The following SCUBE2 variants were observed in gnomAD, a reference collection of about 807,000 sequenced individuals.
SCUBE2 encodes signal peptide, CUB domain and EGF like domain containing 2.
SCUBE2 carries 114 observed loss-of-function variants against 125.9 expected under a neutral mutation model. That is an observed-to-expected ratio of 0.91 (90% CI 0.78 to 1.06). SCUBE2 has a LOEUF of 1.06. Ranked by LOEUF, SCUBE2 falls within the 50% of genes least tolerant of loss-of-function variation. The pLI, the probability that SCUBE2 is intolerant of heterozygous loss-of-function variation, is 0.00. For synonymous variants in SCUBE2, 459 were observed against 492.9 expected (o/e 0.93, Z 0.91); for missense variants, 1,255 against 1,301.8 (o/e 0.96, Z 0.55).
intron 17 of SCUBE2, 128 bp from the exon 18 acceptor site, chr11:9,031,053 G>C (rs1856259764): frequency 2.5e-6 from 2 of 787,766 alleles, no homozygotes; most frequent in Non-Finnish European, 4.0e-6. Context: ...CTCAGTCAGA[G>C]AGCACACAGT....
intron 14 of SCUBE2, 95 bp from the exon 15 acceptor site, chr11:9,048,193 T>C (rs1459724326): frequency 1.6e-6 from 2 of 1,241,440 alleles, no homozygotes; most frequent in East Asian, 4.7e-5. Flanking sequence ...TTAAAACAAC[T>C]CTCAAGGGAC....
rs190785054 is a variant in SCUBE2 at position 9,041,097 on chromosome 11, A to G, written c.2002+6259T>C. ...CACTATCAATAATGAACTTCGCCCA[A>G]TTGTAAAGATTCTACCTTAAGATGC... On this transcript the variant is annotated intron_variant, in intron 16 of 22. Transcript: ENST00000649792. Among the ~76,000 whole-genome samples, 114 of 152,346 alleles carry G rather than the reference A, an allele frequency of 7.5e-4. 1 individual carries two copies. The East Asian group carries it at 0.014, about 18-fold the overall frequency.
At chr11:9,042,422 C>G (rs1378920698) in intron 16 of SCUBE2, among the ~76,000 whole-genome samples, 1 of 152,142 alleles carries the variant, frequency 6.6e-6, no homozygotes, top group Non-Finnish European at 1.5e-5. Flanking sequence ...TTCCATTCTA[C>G]CATCAGATGC....
rs763759464 is a variant in SCUBE2 at position 9,027,550 on chromosome 11, C to T, written c.2515G>A (p.Gly839Arg). 7 of 1,613,248 alleles carry T rather than the reference C, an allele frequency of 4.3e-6. No individual in the cohort carries two copies. The East Asian group carries it at 6.7e-5, about 15-fold the overall frequency. Reference protein sequence around the residue: ...NITQCKNRRCGGELGDFTGYI... With the variant: ...NITQCKNRRCRGELGDFTGYI... Reference sequence around the variant, plus strand: ...CCAGTGAAATCTCCCAGCTCCCCTCCACATCTTCTGTCTGAAAAAGGAGAT... The same window carrying T: ...CCAGTGAAATCTCCCAGCTCCCCTCTACATCTTCTGTCTGAAAAAGGAGAT... Residue 839 changes from glycine (G) to arginine (R), a missense_variant, in exon 20 of 23, where the codon GGA (glycine) becomes AGA (arginine). By Grantham distance (125) the Gly-to-Arg change is moderately radical. Transcript: ENST00000649792.
Position 9,059,319 on chromosome 11 carries a change from A to G in SCUBE2, c.1074T>C (p.Asp358=). 1 of 1,614,164 alleles carries G rather than the reference A, an allele frequency of 6.2e-7. No homozygotes were observed. Among genetic ancestry groups the G allele is most frequent in the South Asian group, 1.1e-5 (1 of 91,080 alleles). Residue 358 remains aspartate (D), a synonymous_variant, in exon 9 of 23, where the codon GAT becomes GAC. Coordinates refer to ENST00000649792, the MANE Select transcript of SCUBE2 (RefSeq NM_001367977.2). ...AGCACATACCTTGGCAAGACTTCTC[A>G]TCTGTTAATAATTTAAATCCTTTCT... ...GCKKGFKLLT[D]EKSCQDVDEC...
At chr11:9,025,563 G>T in intron 21 of SCUBE2, 139 bp downstream of exon 21, 2 of 1,027,898 alleles carry the variant, frequency 1.9e-6, no homozygotes, top group Admixed American at 2.7e-5. Context: ...TTTGGCACTT[G>T]TGAGTCAGCA....
At chr11:9,025,961 C>G in intron 20 of SCUBE2, 107 bp from the exon 21 acceptor site, 5 of 1,209,850 alleles carry the variant, frequency 4.1e-6, no homozygotes, top group Non-Finnish European at 3.5e-6. Flanking sequence ...AAGTTATGCT[C>G]AAAAGCTCTT....
rs764688380 is a variant in SCUBE2, at chr11:9,033,731, T to C, written c.2068A>G (p.Thr690Ala). ...ATTTGTCCTTCCTCATTTTGGAAGG[T>C]TCCATTTGGACATAAAATGCAGCGT... ...RERCILCPNG[T>A]FQNEEGQMTC... Residue 690 changes from threonine (T) to alanine (A), a missense_variant, in exon 17 of 23, where the codon ACC becomes GCC. Thr to Ala is a moderately conservative substitution (Grantham distance 58). Around this residue, in one of 3 missense-constraint regions of SCUBE2, gnomAD observed 515 missense variants for 515.7 expected, o/e 1.00. Coordinates refer to ENST00000649792, the MANE Select transcript of SCUBE2 (RefSeq NM_001367977.2). 3 of 1,614,080 alleles carry C rather than the reference T, an allele frequency of 1.9e-6. No homozygotes were observed. Among genetic ancestry groups the C allele is most frequent in the South Asian group, 2.2e-5 (2 of 91,078 alleles).
At chr11:9,064,024 T>C (rs762068641) in intron 7 of SCUBE2, among the ~76,000 whole-genome samples, 1 of 152,114 alleles carries the variant, frequency 6.6e-6, no homozygotes, top group Non-Finnish European at 1.5e-5. Flanking sequence ...GCACATAATA[T>C]TGATTTAAAT....
chr11:9,081,354 T>G (rs552898507), intron 2 of SCUBE2, among the ~76,000 whole-genome samples: 1 of 152,334 alleles, frequency 6.6e-6, no homozygotes, highest in East Asian at 1.9e-4. Context: ...CTCTTCCCTC[T>G]CTTCCCTCAG....
intron 16 of SCUBE2, among the ~76,000 whole-genome samples, chr11:9,046,210 A>G (rs1017161198): frequency 1.5e-4 from 22 of 151,628 alleles, no homozygotes; most frequent in African/African-American, 3.1e-4. Context: ...GGGTTTCACC[A>G]TGCTGGCCAG....
rs775838418 is a variant in SCUBE2 at position 9,060,426 on chromosome 11, C to T, written c.949G>A (p.Asp317Asn). Residue 317 changes from aspartate to asparagine, a missense_variant, in exon 8 of 23, where the codon GAT becomes AAT. Transcript: ENST00000649792. ...SCPVGFTLQL[D>N]GKTCKDIDEC... ...AGGCTACCTTTACATGTCTTCCCAT[C>T]CAACTGGAGAGTGAATCCAACAGGA... 2 of 1,613,988 alleles carry T rather than the reference C, an allele frequency of 1.2e-6. No homozygotes were observed. The highest frequency in any genetic ancestry group is 1.7e-6 in the Non-Finnish European group (2 of 1,179,842).
At chr11:9,069,657 T>A (rs1860592362) in intron 4 of SCUBE2, among the ~76,000 whole-genome samples, 162 bp from the exon 5 acceptor site, 1 of 152,158 alleles carries the variant, frequency 6.6e-6, no homozygotes, top group African/African-American at 2.4e-5. Context: ...CCTAGGCCAA[T>A]TAATAGACAT....
At chr11:9,021,487 G>A (rs74397500) in intron 22 of SCUBE2, among the ~76,000 whole-genome samples, 2,969 of 152,262 alleles carry the variant, frequency 0.019, 41 homozygotes, top group Non-Finnish European at 0.032. Flanking sequence ...TAGGATTAGT[G>A]ATACCACAAG....
intron 3 of SCUBE2, among the ~76,000 whole-genome samples, chr11:9,078,816 T>C (rs1434050850): frequency 6.6e-6 from 1 of 152,276 alleles, no homozygotes; most frequent in Admixed American, 6.5e-5. Context: ...TTCTAAGTTC[T>C]GTTTTATTCC....
At chr11:9,061,495 G>A (rs1187374007) in intron 7 of SCUBE2, among the ~76,000 whole-genome samples, 3 of 151,562 alleles carry the variant, frequency 2.0e-5, no homozygotes, top group African/African-American at 7.3e-5. Flanking sequence ...GGAGGTCAAG[G>A]GTGCAGTGAG....
chr11:9,052,695 C>T (rs1858540545), intron 13 of SCUBE2, 51 bp downstream of exon 13: 2 of 1,314,314 alleles, frequency 1.5e-6, no homozygotes, highest in Admixed American at 2.1e-5. Context: ...GTGAATGAAG[C>T]CCCTTGAACA....
intron 9 of SCUBE2, among the ~76,000 whole-genome samples, chr11:9,056,465 A>G (rs1038755859): frequency 3.0e-4 from 45 of 152,278 alleles, no homozygotes; most frequent in African/African-American, 1.1e-3. Flanking sequence ...GAATGCATCA[A>G]TACTAATATC....
chr11:9,030,161 C>A, intron 18 of SCUBE2, 116 bp from the exon 19 acceptor site: 2 of 1,186,512 alleles, frequency 1.7e-6, no homozygotes, highest in Non-Finnish European at 1.2e-6. Context: ...TGAAGTAGGG[C>A]TTTCCTACCA....
Sources: gnomAD v4.1 joint callset for allele counts (sites outside exome capture counted in the v4.1 genomes callset) on GRCh38, gnomAD v4.1.1 for gene constraint, gnomAD v4.1.1 regional missense constraint, MANE v1.5 for transcripts, NCBI Gene and HGNC (gene_info 2026-07-23, HGNC 2026-07-21) for gene names.